The following RAP2A variants were observed in gnomAD, a reference collection of about 807,000 sequenced individuals.
The protein encoded by RAP2A is RAP2A, member of RAS oncogene family, also known as ras-related protein Rap-2a.
In RAP2A, 5 loss-of-function variants were observed where a neutral mutation model predicts 15.1. The ratio of observed to expected loss-of-function variants is 0.33; its 90% CI spans 0.17 to 0.70. RAP2A has a LOEUF of 0.70. Among genes scored for constraint, RAP2A ranks in the 30% least tolerant of loss-of-function variants. RAP2A has a pLI of 0.68. For synonymous variants in RAP2A, 110 were observed against 99.7 expected, an observed-to-expected ratio of 1.10 and a Z score of -0.62; for missense variants, 111 against 240.3, an observed-to-expected ratio of 0.46 and a Z score of 3.56.
At chr13:97,462,555 TG>T (rs1185434977) in intron 1 of RAP2A, among the ~76,000 whole-genome samples, 2 of 152,234 alleles carry the variant, frequency 1.3e-5, no homozygotes, top group Non-Finnish European at 2.9e-5. Flanking sequence ...TGTTCAGAGC[TG>T]TCAGCATGAT....
chr13:97,456,691 A>C, intron 1 of RAP2A, among the ~76,000 whole-genome samples: 1 of 152,210 alleles, frequency 6.6e-6, no homozygotes, highest in Middle Eastern at 3.4e-3. Flanking sequence ...ATAGCTTTGA[A>C]TATCTTCTGG....
At position 97,434,663 on chromosome 13, in the gene RAP2A, G is replaced by C. The variant is rs1427084715; in HGVS notation, c.193G>C (p.Ala65Pro). ...ILDTAGTEQF[A>P]SMRDLYIKNG... ...GGACACGGCGGGCACCGAGCAGTTC[G>C]CGTCCATGCGGGACCTGTACATCAA... Residue 65 changes from alanine (A) to proline (P), a missense_variant, in exon 1 of 2, where the codon GCG becomes CCG. Ala to Pro is a conservative substitution (Grantham distance 27). Around this residue, in one of 3 missense-constraint regions of RAP2A, gnomAD observed 17 missense variants for 79.7 expected, o/e 0.21. Transcript: ENST00000245304. 6.2e-7 allele frequency: 1 copy of C among 1,614,108 alleles called. No homozygotes were observed. Among genetic ancestry groups the C allele is most frequent in the Non-Finnish European group, 8.5e-7 (1 of 1,180,000 alleles).
rs1388319473 is a variant in RAP2A at position 97,464,425 on chromosome 13, G to C, written c.535G>C (p.Ala179Pro). ...TGACAAAGATGACCCATGCTGTTCTGCATGTAACATACAATAGCATCCAAA... is the reference window on the plus strand; with the variant it reads ...TGACAAAGATGACCCATGCTGTTCTCCATGTAACATACAATAGCATCCAAA... The part of the protein sequence containing the change: ...QPDKDDPCCS[A>P]CNIQ Residue 179 changes from alanine (A) to proline (P), a missense_variant, in exon 2 of 2, where the codon GCA becomes CCA. Around this residue, in one of 3 missense-constraint regions of RAP2A, gnomAD observed 74 missense variants for 132.3 expected, o/e 0.56. Transcript: ENST00000245304. 2 of 1,614,130 alleles carry C rather than the reference G, an allele frequency of 1.2e-6. No individual in the cohort carries two copies. Among genetic ancestry groups the C allele is most frequent in the Non-Finnish European group, 8.5e-7 (1 of 1,179,950 alleles).
In RAP2A at chr13:97,467,607, C is replaced by G. The variant is rs755234519; in HGVS notation, c.*3165C>G. 6 of 151,202 alleles carry G rather than the reference C, an allele frequency of 4.0e-5. No individual in the cohort carries two copies. Among genetic ancestry groups the G allele is most frequent in the Non-Finnish European group, 5.9e-5 (4 of 67,804 alleles). The allele number at this position is 151,202 out of a possible 1,614,324, so 9.4% of individuals were successfully genotyped here. ...TTTTTAATTTTTTTGTTCTTATCAG[C>G]AGTCTTGTGTTAGCACTGGGTAAGC... is the stretch of plus-strand genomic sequence containing the variant. On this transcript the variant is annotated 3_prime_UTR_variant, in exon 2 of 2. Coordinates refer to ENST00000245304, the MANE Select transcript of RAP2A (RefSeq NM_021033.7).
rs1285608109 is a variant in RAP2A, at chr13:97,463,398, CAG to C, written c.315-803_315-802del. On this transcript the variant is annotated intron_variant, in intron 1 of 1. Coordinates refer to ENST00000245304, the MANE Select transcript of RAP2A (RefSeq NM_021033.7). ...TTAGCTTTTTCCAAACGTGTTTACT[CAG>C]AGATACCTATTTTAGTTAGGAAGAA... Among the ~76,000 whole-genome samples the C allele has an allele frequency of 5.3e-5, 8 of 152,126 alleles. No individual in the cohort carries two copies. The East Asian group carries it at 1.4e-3, about 26-fold the overall frequency.
chr13:97,437,750 A>C (rs1431935031), intron 1 of RAP2A: 1 of 152,216 alleles, frequency 6.6e-6, no homozygotes, highest in East Asian at 1.9e-4. Context: ...GAAGGATCTG[A>C]TGGAAAAGGG....
intron 1 of RAP2A, among the ~76,000 whole-genome samples, chr13:97,446,541 G>A (rs1306600357): frequency 6.6e-6 from 1 of 152,166 alleles, no homozygotes; most frequent in Non-Finnish European, 1.5e-5. Flanking sequence ...CTTTGAGTCT[G>A]TGCTGCCTGT....
At chr13:97,445,000 T>C (rs1212805463) in intron 1 of RAP2A, among the ~76,000 whole-genome samples, 1 of 152,122 alleles carries the variant, frequency 6.6e-6, no homozygotes, top group Non-Finnish European at 1.5e-5. Context: ...AAATGGTGCC[T>C]CTTGCTGCAT....
intron 1 of RAP2A, among the ~76,000 whole-genome samples, chr13:97,454,268 G>A (rs578106372): frequency 7.9e-5 from 12 of 151,154 alleles, no homozygotes; most frequent in African/African-American, 2.4e-4. Flanking sequence ...AAAAAATTAA[G>A]TCTGAAAATC....
At chr13:97,435,143 C>T (rs1213706902) in intron 1 of RAP2A, among the ~76,000 whole-genome samples, 2 of 152,124 alleles carry the variant, frequency 1.3e-5, no homozygotes, top group African/African-American at 4.8e-5. Context: ...CATTTGCAGA[C>T]TGAACAACAA....
chr13:97,456,224 TTGTC>T (rs961557656), intron 1 of RAP2A, among the ~76,000 whole-genome samples: 1 of 151,966 alleles, frequency 6.6e-6, no homozygotes, highest in Non-Finnish European at 1.5e-5. Context: ...AGAGTTCTAA[TTGTC>T]TGTGTGCACC....
chr13:97,454,863 G>A (rs966176828), intron 1 of RAP2A, among the ~76,000 whole-genome samples: 1 of 151,244 alleles, frequency 6.6e-6, no homozygotes, highest in Non-Finnish European at 1.5e-5. Context: ...CTTTAGTTCT[G>A]AAGGATATTT....
chr13:97,456,610 A>T (rs1254990094), intron 1 of RAP2A, among the ~76,000 whole-genome samples: 2 of 152,166 alleles, frequency 1.3e-5, no homozygotes. Flanking sequence ...AGCATTAGAA[A>T]TCTGTTCTGA....
chr13:97,464,137 T>C, intron 1 of RAP2A, 68 bp from the exon 2 acceptor site: 1 of 1,509,558 alleles, frequency 6.6e-7, no homozygotes, highest in Non-Finnish European at 9.1e-7. Flanking sequence ...AAAACGAAAA[T>C]ACACGTGACC....
At chr13:97,438,140 T>G (rs1238259327) in intron 1 of RAP2A, among the ~76,000 whole-genome samples, 1 of 152,192 alleles carries the variant, frequency 6.6e-6, no homozygotes, top group Non-Finnish European at 1.5e-5. Flanking sequence ...AAACTAGAAT[T>G]TTTTTCTGAT....
rs2066763362 is a variant in RAP2A, at chr13:97,464,756, T to C, written c.*314T>C. On this transcript the variant is annotated 3_prime_UTR_variant, in exon 2 of 2. Transcript: ENST00000245304. ...GCTGAGTTGACAGAAGCAACTATTG[T>C]ACAAATTAAAAATAACCATAAGGGA... The C allele has an allele frequency of 3.6e-6, 1 of 278,076 alleles. No homozygotes were observed. Among genetic ancestry groups the C allele is most frequent in the Admixed American group, 4.9e-5 (1 of 20,286 alleles). The allele number at this position is 278,076 out of a possible 1,614,324, so 17.2% of individuals were successfully genotyped here. A position where few individuals can be genotyped will look rare whatever the true frequency, so the allele number is the denominator to read the frequency against.
chr13:97,466,708 A>G lies in RAP2A; in HGVS notation c.*2266A>G, dbSNP rs956478909. On this transcript the variant is annotated 3_prime_UTR_variant, in exon 2 of 2. Transcript: ENST00000245304. ...TGTAAAGTGGAAAAGATGACCTAAA[A>G]TTTTGAGTTGTATTAATAGTTAAAA... is the stretch of plus-strand genomic sequence containing the variant. The G allele has an allele frequency of 6.6e-6, 1 of 152,220 alleles. No homozygotes were observed. Among genetic ancestry groups the G allele is most frequent in the African/African-American group, 2.4e-5 (1 of 41,458 alleles). The allele number at this position is 152,220 out of a possible 1,614,324, so 9.4% of individuals were successfully genotyped here. A position where few individuals can be genotyped will look rare whatever the true frequency, so the allele number is the denominator to read the frequency against.
In RAP2A at chr13:97,464,598, T is replaced by C. The variant is rs2066762524; in HGVS notation, c.*156T>C. 2 of 713,810 alleles carry C rather than the reference T, an allele frequency of 2.8e-6. No individual in the cohort carries two copies. The highest frequency in any genetic ancestry group is 4.7e-6 in the Non-Finnish European group (2 of 427,808). 44.2% of individuals were successfully genotyped at this position (713,810 alleles called of 1,614,324 possible). A position where few individuals can be genotyped will look rare whatever the true frequency, so the allele number is the denominator to read the frequency against. On this transcript the variant is annotated 3_prime_UTR_variant, in exon 2 of 2. Coordinates refer to ENST00000245304, the MANE Select transcript of RAP2A (RefSeq NM_021033.7). ...TGAGCAGTGATTGTCAGTTGATATC[T>C]CTGAGTAACATTTGGGTTCAGTAAC...
chr13:97,464,107 T>C, intron 1 of RAP2A, 98 bp from the exon 2 acceptor site: 2 of 1,035,558 alleles, frequency 1.9e-6, no homozygotes, highest in Non-Finnish European at 2.9e-6. Context: ...AAGATACCAT[T>C]TATGTTGGAA....
Sources: gnomAD v4.1 joint callset for allele counts (sites outside exome capture counted in the v4.1 genomes callset) on GRCh38, gnomAD v4.1.1 for gene constraint, gnomAD v4.1.1 regional missense constraint, MANE v1.5 for transcripts, NCBI Gene and HGNC (gene_info 2026-07-23, HGNC 2026-07-21) for gene names.